Variants in PTPRK observed in about 807,000 individuals in gnomAD.
PTPRK encodes the protein protein tyrosine phosphatase receptor type K.
In PTPRK, 75 loss-of-function variants were observed where a neutral mutation model predicts 178.0. The ratio of observed to expected loss-of-function variants is 0.42; its 90% CI spans 0.35 to 0.51. The LOEUF (loss-of-function observed/expected upper bound fraction) is 0.51. PTPRK is among the 20% of genes least tolerant of loss of function. The pLI, the probability that PTPRK is intolerant of heterozygous loss-of-function variation, is 0.02. For missense variants in PTPRK, 1,441 were observed against 1,797.8 expected (o/e 0.80, Z 3.59); for synonymous variants, 637 against 620.6 (o/e 1.03, Z -0.39).
At chr6:128,051,286 T>G (rs755186042) in intron 13 of PTPRK, among the ~76,000 whole-genome samples, 12 of 152,202 alleles carry the variant, frequency 7.9e-5, no homozygotes, top group Non-Finnish European at 1.5e-4. Context: ...TAATAATTCT[T>G]TCCTAAATTA....
chr6:128,422,363 GA>G (rs929597024), intron 1 of PTPRK, among the ~76,000 whole-genome samples: 3 of 151,816 alleles, frequency 2.0e-5, no homozygotes, highest in Non-Finnish European at 4.4e-5. Flanking sequence ...AGAAAAAGAA[GA>G]AAAAAAGCCA....
chr6:128,362,397 C>T (rs1190512786), intron 2 of PTPRK, among the ~76,000 whole-genome samples: 1 of 152,042 alleles, frequency 6.6e-6, no homozygotes, highest in African/African-American at 2.4e-5. Flanking sequence ...TGCAATTCAA[C>T]ATGAGGTTTG....
At position 128,340,283 on chromosome 6, in the gene PTPRK, T is replaced by C. The variant is rs144660674; in HGVS notation, c.224-17973A>G. Among the ~76,000 whole-genome samples, 1,400 of 152,270 alleles carry C rather than the reference T, an allele frequency of 9.2e-3. 7 individuals are homozygous for C. Among genetic ancestry groups the C allele is most frequent in the Middle Eastern group, 0.027 (8 of 294 alleles). On this transcript the variant is annotated intron_variant, in intron 2 of 29. Coordinates refer to ENST00000368226, the MANE Select transcript of PTPRK (RefSeq NM_002844.4). ...GGTTCAAACTCTCAGAATATAACCA[T>C]ATGGCCCACAGCATAAACATGGCAA...
Position 128,147,454 on chromosome 6 carries a change from G to A in PTPRK, c.1162+36978C>T, listed in dbSNP as rs538680215. ...TTCATATTCAAACTCATTCATCAGTGTCTCTCTTCCATGGATGTAGCTATT... is the reference window on the plus strand; with the variant it reads ...TTCATATTCAAACTCATTCATCAGTATCTCTCTTCCATGGATGTAGCTATT... On this transcript the variant is annotated intron_variant, in intron 7 of 29. Coordinates refer to ENST00000368226, the MANE Select transcript of PTPRK (RefSeq NM_002844.4). 1.4e-3 allele frequency among the ~76,000 whole-genome samples: 207 copies of A among 152,100 alleles called. 1 individual carries two copies. Among genetic ancestry groups the A allele is most frequent in the African/African-American group, 4.9e-3 (203 of 41,512 alleles).
chr6:128,120,099 T>C (rs888843342), intron 7 of PTPRK, among the ~76,000 whole-genome samples: 3 of 151,976 alleles, frequency 2.0e-5, no homozygotes, highest in Non-Finnish European at 4.4e-5. Flanking sequence ...CTGTAACTTT[T>C]CAATTTGATA....
Position 127,973,129 on chromosome 6 carries a change from A to G in PTPRK, c.4162T>C (p.Cys1388Arg). The change falls in exon 29 of 30, where the codon TGT becomes CGT. Residue 1388 changes from cysteine to arginine, a missense_variant. Cys to Arg is a radical substitution (Grantham distance 180). Transcript: ENST00000368226. ...ATTTCAACAACGATGCCTATAGCAC[A>G]GAACATGCCACTTCGCCCGCCACCA... Reference protein sequence around the residue: ...LNGGGRSGMFCAIGIVVEMVK... With the variant: ...LNGGGRSGMFRAIGIVVEMVK... 6.2e-7 allele frequency: 1 copy of G among 1,613,520 alleles called. No homozygotes were observed.
At chr6:128,443,407 A>G (rs1171580796) in intron 1 of PTPRK, among the ~76,000 whole-genome samples, 1 of 152,118 alleles carries the variant, frequency 6.6e-6, no homozygotes, top group Non-Finnish European at 1.5e-5. Flanking sequence ...AGAGGAGGAA[A>G]GAAGAGAGGA....
intron 2 of PTPRK, among the ~76,000 whole-genome samples, chr6:128,392,678 G>C (rs72974041): frequency 0.13 from 19,258 of 152,084 alleles, 1,533 homozygotes; most frequent in Non-Finnish European, 0.18. Context: ...TTCTCTATGG[G>C]TTCTGAAAAT....
At position 128,418,681 on chromosome 6, in the gene PTPRK, C is replaced by T. The variant is rs1207572230; in HGVS notation, c.101-20993G>A. 3.3e-5 allele frequency among the ~76,000 whole-genome samples: 5 copies of T among 152,078 alleles called. No homozygotes were observed. In the East Asian group the frequency reaches 9.7e-4, roughly 29 times the overall value. On this transcript the variant is annotated intron_variant, in intron 1 of 29. Transcript: ENST00000368226. ...TGAACCACTGTCCTAAAGCATCTAC[C>T]ATAAGCATATGTCCACCGTATCCAG...
At chr6:128,239,132 T>G (rs1321471122) in intron 5 of PTPRK, among the ~76,000 whole-genome samples, 1 of 151,360 alleles carries the variant, frequency 6.6e-6, no homozygotes, top group South Asian at 2.1e-4. Flanking sequence ...CTTGTTTTTT[T>G]TTTTTTTTTT....
chr6:128,113,109 C>T (rs1030637298), intron 7 of PTPRK, among the ~76,000 whole-genome samples: 7 of 152,050 alleles, frequency 4.6e-5, no homozygotes, highest in Non-Finnish European at 7.4e-5. Context: ...GACATAGCCT[C>T]CTAACTAATC....
rs1182685260 is a variant in PTPRK, at chr6:127,981,278, T to G, written c.3549A>C (p.Ser1183=). 6.2e-7 allele frequency: 1 copy of G among 1,613,412 alleles called. No individual in the cohort carries two copies. The highest frequency in any genetic ancestry group is 8.5e-7 in the Non-Finnish European group (1 of 1,179,632). ...HLKDEFQTLN[S]VTPRLQAEDC... is the part of the protein sequence containing the mutation. ...CTTCAGCTTGTAGTCGAGGGGTGAC[T>G]GAATTCAGAGTCTAAAAAGAAAAGA... The change falls in exon 25 of 30, where the codon TCA becomes TCC. Residue 1183 remains serine (S), a synonymous_variant. Transcript: ENST00000368226.
At chr6:128,253,931 C>T (rs944578275) in intron 3 of PTPRK, among the ~76,000 whole-genome samples, 1 of 152,116 alleles carries the variant, frequency 6.6e-6, no homozygotes, top group Admixed American at 6.6e-5. Flanking sequence ...AATGGATGAG[C>T]CTACATACAG....
At chr6:128,518,984 G>T (rs748095196) in intron 1 of PTPRK, 1 of 497,912 alleles carries the variant, frequency 2.0e-6, no homozygotes, top group Non-Finnish European at 4.1e-6. Flanking sequence ...AACAACGTGA[G>T]AAACTGTCAG....
chr6:128,176,834 G>T (rs918866414), intron 7 of PTPRK, among the ~76,000 whole-genome samples: 1 of 151,560 alleles, frequency 6.6e-6, no homozygotes, highest in African/African-American at 2.4e-5. Flanking sequence ...AAAATAATGA[G>T]ATTCATCCAT....
intron 3 of PTPRK, among the ~76,000 whole-genome samples, chr6:128,251,477 G>A (rs1027134725): frequency 6.6e-6 from 1 of 152,018 alleles, no homozygotes; most frequent in Non-Finnish European, 1.5e-5. Flanking sequence ...ATTAAAAATG[G>A]CTGGTTCCTT....
chr6:128,432,929 T>A (rs1340269649), intron 1 of PTPRK, among the ~76,000 whole-genome samples: 1 of 152,228 alleles, frequency 6.6e-6, no homozygotes, highest in Non-Finnish European at 1.5e-5. Flanking sequence ...ACCCTGATTT[T>A]AATATTAGTT....
rs897005111 is a variant in PTPRK at position 128,072,557 on chromosome 6, T to C, written c.1884-4765A>G. On this transcript the variant is annotated intron_variant, in intron 11 of 29. Transcript: ENST00000368226. ...ATTAAAATTTGAAGTACAGTCAAAT[T>C]CAAAGTCAAACTCTGTACTTTTTAC... Among the ~76,000 whole-genome samples the C allele has an allele frequency of 1.2e-4, 19 of 152,184 alleles. 1 individual carries two copies. Among genetic ancestry groups the C allele is most frequent in the African/African-American group, 4.3e-4 (18 of 41,578 alleles).
chr6:128,493,087 C>A (rs1465036679), intron 1 of PTPRK, among the ~76,000 whole-genome samples: 1 of 152,104 alleles, frequency 6.6e-6, no homozygotes. Flanking sequence ...AGGCACTCAA[C>A]AATATATGTT....
Sources: gnomAD v4.1 joint callset for allele counts (sites outside exome capture counted in the v4.1 genomes callset) on GRCh38, gnomAD v4.1.1 for gene constraint, MANE v1.5 for transcripts, NCBI Gene and HGNC (gene_info 2026-07-23, HGNC 2026-07-21) for gene names.